The following HHAT variants were observed in gnomAD, a reference collection of about 807,000 sequenced individuals.
The protein encoded by HHAT is hedgehog acyltransferase, also known as protein-cysteine N-palmitoyltransferase HHAT.
In HHAT, 47 loss-of-function variants were observed where a neutral mutation model predicts 70.8. The observed-to-expected ratio is 0.66, with a 90% CI of 0.53 to 0.85. The LOEUF (loss-of-function observed/expected upper bound fraction) is 0.85. HHAT is among the 40% of genes least tolerant of loss of function. The pLI, the probability that HHAT is intolerant of heterozygous loss-of-function variation, is 0.00. For missense variants in HHAT, 609 were observed against 604.8 expected (o/e 1.01, Z -0.07); for synonymous variants, 228 against 247.6 (o/e 0.92, Z 0.74).
At chr1:210,635,907 G>A (rs1404127983) in intron 11 of HHAT, among the ~76,000 whole-genome samples, 1 of 147,610 alleles carries the variant, frequency 6.8e-6, no homozygotes, top group Admixed American at 6.7e-5. Flanking sequence ...CTTTTTCCAA[G>A]GCTAAGTTCG....
At chr1:210,484,707 C>T (rs779276573) in intron 8 of HHAT, among the ~76,000 whole-genome samples, 1 of 152,114 alleles carries the variant, frequency 6.6e-6, no homozygotes, top group Admixed American at 6.6e-5. Flanking sequence ...ACATGAGCTC[C>T]TTCCCCCAAT....
At chr1:210,611,973 T>G (rs1286068549) in intron 10 of HHAT, among the ~76,000 whole-genome samples, 3 of 152,160 alleles carry the variant, frequency 2.0e-5, no homozygotes, top group African/African-American at 7.2e-5. Context: ...TGTTCTTTTT[T>G]TGTTGTATCT....
intron 10 of HHAT, among the ~76,000 whole-genome samples, chr1:210,620,359 A>G (rs1211707497): frequency 6.6e-6 from 1 of 152,152 alleles, no homozygotes; most frequent in East Asian, 1.9e-4. Context: ...CAAAACCATC[A>G]CCTTCCAAAA....
At chr1:210,611,809 T>A (rs1352048395) in intron 10 of HHAT, among the ~76,000 whole-genome samples, 2 of 152,234 alleles carry the variant, frequency 1.3e-5, no homozygotes, top group Admixed American at 6.5e-5. Flanking sequence ...GAATCACCTT[T>A]ATTGATTTGC....
In HHAT at chr1:210,461,024, T is replaced by G. The variant is rs2093968561; in HGVS notation, c.857-3481T>G. ...AAAATCAATAATAACTCTTGCTAAT[T>G]GAGAAAATCTTATACATACAAACCC... is the stretch of plus-strand genomic sequence containing the variant. On this transcript the variant is annotated intron_variant, in intron 7 of 11. Coordinates refer to ENST00000261458, the MANE Select transcript of HHAT (RefSeq NM_018194.6). 2.0e-5 allele frequency among the ~76,000 whole-genome samples: 3 copies of G among 152,324 alleles called. No homozygotes were observed. The South Asian group carries it at 6.2e-4, about 32-fold the overall frequency.
intron 6 of HHAT, among the ~76,000 whole-genome samples, chr1:210,413,530 G>A (rs1051037013): frequency 2.0e-5 from 3 of 152,216 alleles, no homozygotes; most frequent in African/African-American, 7.2e-5. Flanking sequence ...ACTATAAACA[G>A]TCAAGAGGAG....
intron 9 of HHAT, among the ~76,000 whole-genome samples, chr1:210,544,482 C>T (rs1030978551): frequency 4.7e-5 from 7 of 149,386 alleles, no homozygotes; most frequent in Admixed American, 1.3e-4. Flanking sequence ...AAGGAATTCT[C>T]CTGCTTCAGC....
At chr1:210,465,042 T>C (rs899238653) in intron 8 of HHAT, among the ~76,000 whole-genome samples, 2 of 152,088 alleles carry the variant, frequency 1.3e-5, no homozygotes, top group Non-Finnish European at 2.9e-5. Flanking sequence ...GGATAGGAGG[T>C]TAGGCCAGTG....
At chr1:210,462,422 C>G (rs1164517065) in intron 7 of HHAT, 4 of 152,182 alleles carry the variant, frequency 2.6e-5, no homozygotes, top group Non-Finnish European at 5.9e-5. Context: ...TTGCGAGCCT[C>G]CCTCATTGCC....
At chr1:210,329,216 A>G in intron 1 of HHAT, 112 bp downstream of exon 1, 2 of 1,212,858 alleles carry the variant, frequency 1.6e-6, no homozygotes, top group Non-Finnish European at 2.1e-6. Flanking sequence ...TTCCTACCCA[A>G]GTTCCCGTGT....
At chr1:210,336,209 A>ACC (rs2085469284) in intron 1 of HHAT, among the ~76,000 whole-genome samples, 1 of 150,374 alleles carries the variant, frequency 6.7e-6, no homozygotes. Flanking sequence ...AACCTCCCTG[A>ACC]CCTGGGCTCA....
intron 7 of HHAT, among the ~76,000 whole-genome samples, chr1:210,430,051 T>G (rs1452028573): frequency 6.6e-6 from 1 of 151,926 alleles, no homozygotes; most frequent in East Asian, 1.9e-4. Context: ...AAACATCATT[T>G]TATAGAATAA....
At position 210,578,928 on chromosome 1, in the gene HHAT, T is replaced by G. The variant is rs1276671453; in HGVS notation, c.1044-8970T>G. ...AACCTAAAAGCCCATCAATGGCAGATTGGATAAAGAAAATGTGGTACATAT... is the reference window on the plus strand; with the variant it reads ...AACCTAAAAGCCCATCAATGGCAGAGTGGATAAAGAAAATGTGGTACATAT... On this transcript the variant is annotated intron_variant, in intron 9 of 11. Coordinates refer to ENST00000261458, the MANE Select transcript of HHAT (RefSeq NM_018194.6). 2.6e-5 allele frequency among the ~76,000 whole-genome samples: 4 copies of G among 152,170 alleles called. No individual in the cohort carries two copies. The East Asian group carries it at 5.8e-4, about 22-fold the overall frequency.
intron 9 of HHAT, among the ~76,000 whole-genome samples, chr1:210,514,435 G>A (rs2095018209): frequency 6.6e-6 from 1 of 152,230 alleles, no homozygotes; most frequent in Non-Finnish European, 1.5e-5. Context: ...GAACTGATCA[G>A]AAGAATCTGT....
chr1:210,351,253 C>T (rs923552467), intron 2 of HHAT, among the ~76,000 whole-genome samples: 4 of 152,184 alleles, frequency 2.6e-5, no homozygotes, highest in Non-Finnish European at 5.9e-5. Context: ...ATTCTTCCTT[C>T]CTCCTCCTTT....
At chr1:210,603,184 C>A (rs138170480) in intron 10 of HHAT, among the ~76,000 whole-genome samples, 1 of 152,302 alleles carries the variant, frequency 6.6e-6, no homozygotes, top group African/African-American at 2.4e-5. Flanking sequence ...GCTATCATGG[C>A]ATTCTTATAC....
chr1:210,329,415 C>G lies in HHAT; in HGVS notation c.-44+311C>G, dbSNP rs983728049. On this transcript the variant is annotated intron_variant, in intron 1 of 11. Coordinates refer to ENST00000261458, the MANE Select transcript of HHAT (RefSeq NM_018194.6). ...CTTCCGGAACTGCTGCGGGGAGTTGCGAACTCTGGTCCTCTTGGCAGTATC... is the reference window on the plus strand; with the variant it reads ...CTTCCGGAACTGCTGCGGGGAGTTGGGAACTCTGGTCCTCTTGGCAGTATC... 35 of 1,112,332 alleles carry G rather than the reference C, an allele frequency of 3.1e-5. 1 individual carries two copies. In the Admixed American group the frequency reaches 1.3e-3, roughly 40 times the overall value. The allele number at this position is 1,112,332 out of a possible 1,614,324, so 68.9% of individuals were successfully genotyped here. A position where few individuals can be genotyped will look rare whatever the true frequency, so the allele number is the denominator to read the frequency against.
chr1:210,334,473 T>G, intron 1 of HHAT, among the ~76,000 whole-genome samples: 1 of 152,168 alleles, frequency 6.6e-6, no homozygotes, highest in East Asian at 1.9e-4. Flanking sequence ...GCATTACTGA[T>G]AGCAGTTTCC....
intron 3 of HHAT, among the ~76,000 whole-genome samples, chr1:210,378,801 G>A (rs564575611): frequency 8.5e-5 from 13 of 152,232 alleles, no homozygotes; most frequent in Non-Finnish European, 1.6e-4. Flanking sequence ...CCTAGCTGGT[G>A]TTTTCTTCCA....
Sources: allele counts gnomAD v4.1 joint callset (sites outside exome capture counted in the v4.1 genomes callset), GRCh38; gene constraint gnomAD v4.1.1; transcripts MANE v1.5; gene names NCBI Gene and HGNC (gene_info 2026-07-23, HGNC 2026-07-21).